The following DZIP1L variants were observed in gnomAD, a reference collection of about 807,000 sequenced individuals.
The protein encoded by DZIP1L is cilium assembly protein DZIP1L.
A neutral mutation model predicts 88.7 loss-of-function variants in DZIP1L; 90 were observed. The ratio of observed to expected loss-of-function variants is 1.02; its 90% CI spans 0.86 to 1.21. The LOEUF is 1.21. DZIP1L is among the 50% of genes most tolerant of loss of function. DZIP1L has a pLI of 0.00. For missense variants in DZIP1L, 932 were observed against 955.8 expected, an observed-to-expected ratio of 0.98 and a Z score of 0.33; for synonymous variants, 363 against 372.1, an observed-to-expected ratio of 0.98 and a Z score of 0.28.
At chr3:138,102,140 G>C in intron 2 of DZIP1L, 1 of 1,392,014 alleles carries the variant, frequency 7.2e-7, no homozygotes. Flanking sequence ...CCTCAGCGAT[G>C]ATGCTGTCCA....
At chr3:138,099,285 T>C (rs918752004) in intron 2 of DZIP1L, among the ~76,000 whole-genome samples, 4 of 152,202 alleles carry the variant, frequency 2.6e-5, no homozygotes, top group Non-Finnish European at 1.5e-5. Flanking sequence ...ATTTGTAAAC[T>C]TACATTATGA....
In DZIP1L at chr3:138,094,186, T is replaced by A. The variant is rs565598279; in HGVS notation, c.708+676A>T. 6.6e-5 allele frequency among the ~76,000 whole-genome samples: 10 copies of A among 152,272 alleles called. No individual in the cohort carries two copies. In the East Asian group the frequency reaches 1.9e-3, roughly 29 times the overall value. The stretch of plus-strand genomic sequence containing the variant: ...TGATCACAGATCACCATAACAGATA[T>A]AATAATAATGAAAAAGTTTGAAATA... On this transcript the variant is annotated intron_variant, in intron 4 of 15. Coordinates refer to ENST00000327532, the MANE Select transcript of DZIP1L (RefSeq NM_173543.3).
At chr3:138,102,565 A>G (rs2042353437) in intron 2 of DZIP1L, 3 of 1,434,332 alleles carry the variant, frequency 2.1e-6, no homozygotes, top group Middle Eastern at 1.8e-4. Flanking sequence ...GGTCTCCAGC[A>G]TCTTGTTCTG....
intron 6 of DZIP1L, 96 bp downstream of exon 6, chr3:138,088,283 C>G (rs973776778): frequency 8.3e-6 from 12 of 1,439,280 alleles, no homozygotes; most frequent in Non-Finnish European, 7.3e-6. Flanking sequence ...CTTTGATGTC[C>G]TTCAACTTCT....
At chr3:138,086,570 C>T (rs2107791393) in intron 7 of DZIP1L, among the ~76,000 whole-genome samples, 1 of 152,258 alleles carries the variant, frequency 6.6e-6, no homozygotes, top group South Asian at 2.1e-4. Context: ...TCACTGAGGC[C>T]CACAGCCGCC....
intron 11 of DZIP1L, among the ~76,000 whole-genome samples, chr3:138,076,463 AT>A (rs751776025): frequency 2.2e-4 from 33 of 152,358 alleles, no homozygotes; most frequent in Non-Finnish European, 4.1e-4. Flanking sequence ...TTACACATGC[AT>A]GTTTATAGCA....
intron 3 of DZIP1L, among the ~76,000 whole-genome samples, chr3:138,097,375 T>C (rs897311036): frequency 7.9e-5 from 12 of 152,148 alleles, no homozygotes; most frequent in East Asian, 1.9e-4. Context: ...TTAGGCTTAT[T>C]CGTGGCTGGC....
intron 11 of DZIP1L, 34 bp from the exon 12 acceptor site, chr3:138,071,869 A>T (rs1702030299): frequency 6.3e-7 from 1 of 1,576,304 alleles, no homozygotes; most frequent in African/African-American, 1.4e-5. Context: ...TTACAGAGAG[A>T]GGCTACCCTT....
At chr3:138,071,344 C>T (rs1283781150) in intron 12 of DZIP1L, among the ~76,000 whole-genome samples, 1 of 152,198 alleles carries the variant, frequency 6.6e-6, no homozygotes, top group Non-Finnish European at 1.5e-5. Context: ...AATGAAGGTG[C>T]TAAGGGAGGC....
In DZIP1L at chr3:138,094,872, C is replaced by T. The variant is rs748555938; in HGVS notation, c.698G>A (p.Arg233Gln). 1.1e-5 allele frequency: 18 copies of T among 1,614,228 alleles called. No homozygotes were observed. The highest frequency in any genetic ancestry group is 2.2e-5 in the South Asian group (2 of 91,076). Residue 233 changes from arginine (R) to glutamine (Q), a missense_variant, in exon 4 of 16, where the codon CGG (arginine) becomes CAG (glutamine). Coordinates refer to ENST00000327532, the MANE Select transcript of DZIP1L (RefSeq NM_173543.3). Reference protein sequence around the residue: ...LEAQREAERQRQLQEAELIHQ... With the variant: ...LEAQREAERQQQLQEAELIHQ... ...TCTCTCCCTGCCCACCTGGAGCTGCCGCTGCCTCTCCGCCTCCCTCTGGGC... is the reference window on the plus strand; with the variant it reads ...TCTCTCCCTGCCCACCTGGAGCTGCTGCTGCCTCTCCGCCTCCCTCTGGGC...
At chr3:138,073,946 A>C (rs1943287323) in intron 11 of DZIP1L, among the ~76,000 whole-genome samples, 1 of 152,130 alleles carries the variant, frequency 6.6e-6, no homozygotes, top group African/African-American at 2.4e-5. Flanking sequence ...AGAATCAAAC[A>C]AGCAGAAGAA....
intron 2 of DZIP1L, among the ~76,000 whole-genome samples, chr3:138,101,246 T>C (rs2042299295): frequency 6.7e-6 from 1 of 149,122 alleles, no homozygotes; most frequent in African/African-American, 2.5e-5. Flanking sequence ...TTGGCAGAGA[T>C]AGCTGAGGTT....
intron 14 of DZIP1L, among the ~76,000 whole-genome samples, chr3:138,066,043 T>A (rs1942883082): frequency 6.6e-6 from 1 of 152,200 alleles, no homozygotes. Context: ...CTAAGTCTCT[T>A]GGCTGAAAAG....
At chr3:138,064,523 G>T (rs1559818694) in intron 15 of DZIP1L, 105 bp downstream of exon 15, 1 of 1,612,960 alleles carries the variant, frequency 6.2e-7, no homozygotes, top group East Asian at 2.2e-5. Context: ...TAGGGCAAAG[G>T]ATGACACTTG....
At position 138,095,002 on chromosome 3, in the gene DZIP1L, G is replaced by A. The variant is rs576126903; in HGVS notation, c.587-19C>T. ...TGTTTTCCTGTGGGGTCCACGCAAA[G>A]ACAGGTGACCAGTTTAAGTCCAAAA... On this transcript the variant is annotated intron_variant, in intron 3 of 15. Transcript: ENST00000327532. The A allele has an allele frequency of 1.2e-6, 2 of 1,614,144 alleles. No homozygotes were observed. Among genetic ancestry groups the A allele is most frequent in the African/African-American group, 1.3e-5 (1 of 75,058 alleles).
chr3:138,068,688 G>C (rs919795016), intron 12 of DZIP1L, among the ~76,000 whole-genome samples: 1 of 152,094 alleles, frequency 6.6e-6, no homozygotes, highest in African/African-American at 2.4e-5. Flanking sequence ...CTTCACCAAG[G>C]CTGCTACCCT....
Position 138,062,407 on chromosome 3 carries a change from C to T in DZIP1L, c.*409G>A, listed in dbSNP as rs2291195. The T allele has an allele frequency of 2.4e-4, 40 of 167,124 alleles. No individual in the cohort carries two copies. In the East Asian group the frequency reaches 5.6e-3, roughly 24 times the overall value. The allele number at this position is 167,124 out of a possible 1,614,324, so 10.4% of individuals were successfully genotyped here. On this transcript the variant is annotated 3_prime_UTR_variant, in exon 16 of 16. Transcript: ENST00000327532. Reference sequence around the variant, plus strand: ...TCAGTAAATAATTTTGGATCAATCACTGAATGACTGACTGAGGCATATGTC... The same window carrying T: ...TCAGTAAATAATTTTGGATCAATCATTGAATGACTGACTGAGGCATATGTC...
In DZIP1L at chr3:138,094,979, T is replaced by C; in HGVS notation, c.591A>G (p.Lys197=). 6.2e-7 allele frequency: 1 copy of C among 1,614,236 alleles called. No homozygotes were observed. ...RRHAGVAEGG[K]QKKQEQPVEE... The stretch of plus-strand genomic sequence containing the variant: ...CCACTGGCTGTTCCTGTTTCTTCTG[T>C]TTTCCTGTGGGGTCCACGCAAAGAC... The change falls in exon 4 of 16, where the codon AAA becomes AAG. Residue 197 remains lysine (K), a synonymous_variant. Transcript: ENST00000327532.
intron 11 of DZIP1L, among the ~76,000 whole-genome samples, chr3:138,076,846 TCAC>T (rs1231167307): frequency 6.6e-6 from 1 of 151,846 alleles, no homozygotes; most frequent in Non-Finnish European, 1.5e-5. Context: ...ATCTCAGAAA[TCAC>T]CACCAAAGAA....
Sources: allele counts gnomAD v4.1 joint callset (sites outside exome capture counted in the v4.1 genomes callset), GRCh38; gene constraint gnomAD v4.1.1; transcripts MANE v1.5; gene names NCBI Gene and HGNC (gene_info 2026-07-23, HGNC 2026-07-21).